Variants in SIGLEC6 observed in about 807,000 individuals in gnomAD.
SIGLEC6 encodes sialic acid-binding Ig-like lectin 6.
In SIGLEC6, 31 loss-of-function variants were observed where a neutral mutation model predicts 41.4. That is an observed-to-expected ratio of 0.75 (90% CI 0.56 to 1.01). SIGLEC6 has a LOEUF of 1.01. Ranked by LOEUF, SIGLEC6 falls within the 50% of genes least tolerant of loss-of-function variation. The probability of loss-of-function intolerance (pLI) is 0.00; values close to 1 mark genes in which losing one functional copy is unlikely to be tolerated. For missense variants in SIGLEC6, 555 were observed against 558.6 expected (o/e 0.99, Z 0.06); for synonymous variants, 217 against 231.0 (o/e 0.94, Z 0.55).
intron 7 of SIGLEC6, among the ~76,000 whole-genome samples, chr19:51,523,551 T>A (rs1305298932): frequency 6.6e-6 from 1 of 152,106 alleles, no homozygotes; most frequent in Admixed American, 6.5e-5. Context: ...GGAAAAGAAA[T>A]GTGCCCTAGG....
intron 2 of SIGLEC6, 21 bp downstream of exon 2, chr19:51,531,139 G>C (rs759972639): frequency 1.3e-6 from 2 of 1,569,380 alleles, no homozygotes; most frequent in African/African-American, 1.4e-5. Context: ...CCTGTGGCTA[G>C]TCCTGGAGCT....
chr19:51,527,708 G>A (rs1182047518), intron 7 of SIGLEC6, 39 bp downstream of exon 7: 2 of 1,575,220 alleles, frequency 1.3e-6, no homozygotes, highest in East Asian at 4.5e-5. Flanking sequence ...CATTCAAAAG[G>A]GATAATGCTG....
intron 3 of SIGLEC6, 36 bp downstream of exon 3, chr19:51,530,645 C>T: frequency 6.2e-7 from 1 of 1,611,090 alleles, no homozygotes; most frequent in Non-Finnish European, 8.5e-7. Context: ...TCCCCCCACA[C>T]CCTCAGGGAC....
intron 6 of SIGLEC6, 126 bp downstream of exon 6, chr19:51,528,034 T>A: frequency 1.1e-6 from 1 of 947,716 alleles, no homozygotes; most frequent in Non-Finnish European, 1.6e-6. Flanking sequence ...ACCACTACCC[T>A]CCCTTTCCTC....
intron 7 of SIGLEC6, among the ~76,000 whole-genome samples, chr19:51,522,281 C>T (rs1012688323): frequency 2.6e-5 from 4 of 152,180 alleles, no homozygotes; most frequent in Non-Finnish European, 2.9e-5. Flanking sequence ...TAACTGCATT[C>T]GAGAACAAAG....
At chr19:51,527,210 A>G (rs1215974398) in intron 7 of SIGLEC6, among the ~76,000 whole-genome samples, 3 of 152,192 alleles carry the variant, frequency 2.0e-5, no homozygotes, top group African/African-American at 7.2e-5. Flanking sequence ...GTAAGATAAT[A>G]TATAAGACAA....
chr19:51,530,072 G>A, intron 4 of SIGLEC6, 91 bp from the exon 5 acceptor site: 1 of 1,444,648 alleles, frequency 6.9e-7, no homozygotes, highest in Non-Finnish European at 9.3e-7. Flanking sequence ...CACTAGCTCT[G>A]AGGAGGAGAC....
At chr19:51,530,348 C>G (rs1017339894) in intron 4 of SIGLEC6, 89 bp downstream of exon 4, 2 of 1,186,738 alleles carry the variant, frequency 1.7e-6, no homozygotes, top group South Asian at 1.4e-5. Flanking sequence ...TCTATGGAGG[C>G]CTTAGTCCTG....
At position 51,520,238 on chromosome 19, in the gene SIGLEC6, G is replaced by C; in HGVS notation, c.1206C>G (p.Phe402Leu). ...GGTGGTCTGAAACTATGCCTGTCTG[G>C]AACTGGTGCTGATGACCCTTAATGG... ...VSGSRGHQHQ[F>L]QTGIVSDHPA... The change falls in exon 8 of 8, where the codon TTC becomes TTG. Residue 402 changes from phenylalanine (F) to leucine (L), a missense_variant. Coordinates refer to ENST00000425629, the MANE Select transcript of SIGLEC6 (RefSeq NM_001245.7). 6.3e-7 allele frequency: 1 copy of C among 1,591,442 alleles called. No individual in the cohort carries two copies. The highest frequency in any genetic ancestry group is 8.6e-7 in the Non-Finnish European group (1 of 1,163,374).
Position 51,529,937 on chromosome 19 carries a change from C to G in SIGLEC6, c.799G>C (p.Gly267Arg), listed in dbSNP as rs1183670952. 1 of 1,610,892 alleles carries G rather than the reference C, an allele frequency of 6.2e-7. No individual in the cohort carries two copies. The highest frequency in any genetic ancestry group is 8.5e-7 in the Non-Finnish European group (1 of 1,178,078). Residue 267 changes from glycine to arginine, a missense_variant, in exon 5 of 8, where the codon GGC becomes CGC. Coordinates refer to ENST00000425629, the MANE Select transcript of SIGLEC6 (RefSeq NM_001245.7). ...TCACAGAGCAGCCGCAGAGCCTGGC[C>G]CTCCAGGACAGGGAGGGACGAGGTG... ...QNTSSLPVLE[G>R]QALRLLCDAD...
chr19:51,525,709 G>C (rs1979105158), intron 7 of SIGLEC6, among the ~76,000 whole-genome samples: 1 of 152,218 alleles, frequency 6.6e-6, no homozygotes, highest in African/African-American at 2.4e-5. Flanking sequence ...AAGGAGCCCA[G>C]TCTCGCTTCC....
chr19:51,527,090 G>C (rs1979353456), intron 7 of SIGLEC6, among the ~76,000 whole-genome samples: 1 of 152,158 alleles, frequency 6.6e-6, no homozygotes. Context: ...GAAAGAGAAG[G>C]AGAGAGAGCA....
intron 7 of SIGLEC6, among the ~76,000 whole-genome samples, chr19:51,527,428 T>C (rs528119755): frequency 2.0e-5 from 3 of 152,312 alleles, no homozygotes; most frequent in South Asian, 2.1e-4. Context: ...TCATTTCTTT[T>C]TCTCAATAAT....
At chr19:51,530,179 A>G (rs73559190) in intron 4 of SIGLEC6, among the ~76,000 whole-genome samples, 198 bp from the exon 5 acceptor site, 1 of 152,198 alleles carries the variant, frequency 6.6e-6, no homozygotes, top group Admixed American at 6.5e-5. Context: ...GGCTGCGGAC[A>G]GCGTCGTGGC....
At position 51,528,358 on chromosome 19, in the gene SIGLEC6, C is replaced by T. The variant is rs780325573; in HGVS notation, c.1013-105G>A. On this transcript the variant is annotated intron_variant, in intron 5 of 7. Coordinates refer to ENST00000425629, the MANE Select transcript of SIGLEC6 (RefSeq NM_001245.7). ...AATGTGACCACCCCCATCCAGGACT[C>T]AGTCACTCACCATTTCACTGCCCTG... 2.0e-5 allele frequency: 18 copies of T among 908,776 alleles called. 1 individual carries two copies. Among genetic ancestry groups the T allele is most frequent in the Non-Finnish European group, 3.2e-5 (18 of 566,172 alleles). 56.3% of individuals were successfully genotyped at this position (908,776 alleles called of 1,614,324 possible).
rs1455468720 is a variant in SIGLEC6, at chr19:51,518,800, T to C, written c.*1282A>G. Among the ~76,000 whole-genome samples, 2 of 152,168 alleles carry C rather than the reference T, an allele frequency of 1.3e-5. No homozygotes were observed. Among genetic ancestry groups the C allele is most frequent in the Non-Finnish European group, 2.9e-5 (2 of 68,040 alleles). On this transcript the variant is annotated 3_prime_UTR_variant, in exon 8 of 8. Coordinates refer to ENST00000425629, the MANE Select transcript of SIGLEC6 (RefSeq NM_001245.7). ...GAAATGGACATGGGGTATTGGTGAC[T>C]GGTGAGGAATTGATCTGGGGAAATC... is the stretch of plus-strand genomic sequence containing the variant.
At chr19:51,527,928 T>A in intron 6 of SIGLEC6, 100 bp from the exon 7 acceptor site, 1 of 1,208,720 alleles carries the variant, frequency 8.3e-7, no homozygotes, top group Non-Finnish European at 1.2e-6. Flanking sequence ...CAGAAGTAAT[T>A]AAGAGGTCCA....
At position 51,531,239 on chromosome 19, in the gene SIGLEC6, A is replaced by G; in HGVS notation, c.348T>C (p.Asn116=). ...ACTTCAACCGAAAGAAGTATGCAGC[A>G]TTGTCCCTCCTCCGGGCATCTCTGA... The part of the protein sequence containing the change: ...LSIRDARRRD[N]AAYFFRLKSK... Residue 116 remains asparagine, a synonymous_variant, in exon 2 of 8, where the codon AAT becomes AAC. Transcript: ENST00000425629. The G allele has an allele frequency of 6.2e-7, 1 of 1,613,974 alleles. No individual in the cohort carries two copies. Among genetic ancestry groups the G allele is most frequent in the African/African-American group, 1.3e-5 (1 of 75,000 alleles).
Position 51,519,465 on chromosome 19 carries a change from G to A in SIGLEC6, c.*617C>T, listed in dbSNP as rs1421348689. 6.6e-6 allele frequency: 1 copy of A among 151,884 alleles called. No homozygotes were observed. The highest frequency in any genetic ancestry group is 2.4e-5 in the African/African-American group (1 of 41,308). 9.4% of individuals were successfully genotyped at this position (151,884 alleles called of 1,614,324 possible). ...TTCTTTGACCTTTCACAATAATCTG[G>A]TTAGATGGAAATTATTTCCCTGCCT... On this transcript the variant is annotated 3_prime_UTR_variant, in exon 8 of 8. Coordinates refer to ENST00000425629, the MANE Select transcript of SIGLEC6 (RefSeq NM_001245.7).
Sources: gnomAD v4.1 joint callset for allele counts (sites outside exome capture counted in the v4.1 genomes callset) on GRCh38, gnomAD v4.1.1 for gene constraint, MANE v1.5 for transcripts, NCBI Gene and HGNC (gene_info 2026-07-23, HGNC 2026-07-21) for gene names.